Variants in NUCB1 observed in about 807,000 individuals in gnomAD.
NUCB1 encodes nucleobindin-1.
Under a neutral mutation model 61.2 loss-of-function variants are expected in NUCB1, and 47 were observed. The ratio of observed to expected loss-of-function variants is 0.77; its 90% CI spans 0.61 to 0.98. The LOEUF is 0.98. Among genes scored for constraint, NUCB1 ranks in the 50% least tolerant of loss-of-function variants. The pLI, the probability that NUCB1 is intolerant of heterozygous loss-of-function variation, is 0.00. For synonymous variants in NUCB1, 234 were observed against 243.1 expected, an observed-to-expected ratio of 0.96 and a Z score of 0.35; for missense variants, 583 against 605.3, an observed-to-expected ratio of 0.96 and a Z score of 0.39.
At chr19:48,918,813 G>T in intron 8 of NUCB1, 29 bp downstream of exon 8, 2 of 1,602,252 alleles carry the variant, frequency 1.2e-6, no homozygotes, top group South Asian at 1.1e-5. Flanking sequence ...TCGGGCACCT[G>T]GAGGGACGCC....
At chr19:48,919,437 C>G (rs2037581541) in intron 10 of NUCB1, 151 bp downstream of exon 10, 3 of 517,318 alleles carry the variant, frequency 5.8e-6, no homozygotes, top group South Asian at 6.0e-5. Context: ...TCTGTTTTCC[C>G]CTGTCTCTAG....
intron 10 of NUCB1, among the ~76,000 whole-genome samples, 166 bp downstream of exon 10, chr19:48,919,452 CTTATTTATTTATTTAT>C (rs35642334): frequency 7.0e-5 from 10 of 141,934 alleles, no homozygotes; most frequent in South Asian, 6.7e-4. Flanking sequence ...CTCTAGGACT[CTTATTTATTTATTTAT>C]TTATTTATTT....
chr19:48,909,820 G>A (rs957205131), intron 4 of NUCB1, among the ~76,000 whole-genome samples: 2 of 152,100 alleles, frequency 1.3e-5, no homozygotes, highest in African/African-American at 4.8e-5. Context: ...GGGATTACAG[G>A]CATGAGCCAC....
chr19:48,910,935 A>G, intron 4 of NUCB1: 1 of 471,558 alleles, frequency 2.1e-6, no homozygotes, highest in Non-Finnish European at 3.9e-6. Context: ...GTAAGTAGGC[A>G]CTACATGTTA....
At chr19:48,910,639 G>A (rs1210111478) in intron 4 of NUCB1, among the ~76,000 whole-genome samples, 6 of 150,372 alleles carry the variant, frequency 4.0e-5, no homozygotes, top group African/African-American at 1.2e-4. Flanking sequence ...GCAGCGAGCC[G>A]AGATCCTGCC....
At chr19:48,915,129 C>T (rs889798075) in intron 7 of NUCB1, among the ~76,000 whole-genome samples, 2 of 151,996 alleles carry the variant, frequency 1.3e-5, no homozygotes, top group Non-Finnish European at 2.9e-5. Flanking sequence ...AATAAAGATA[C>T]ATCCCTATTT....
chr19:48,916,346 G>A (rs902882226), intron 7 of NUCB1, among the ~76,000 whole-genome samples: 21 of 152,172 alleles, frequency 1.4e-4, no homozygotes, highest in Admixed American at 2.6e-4. Flanking sequence ...GGCTGGATGC[G>A]GTGGCTCACG....
intron 2 of NUCB1, among the ~76,000 whole-genome samples, chr19:48,901,295 T>C (rs1269085549): frequency 1.3e-5 from 2 of 152,204 alleles, no homozygotes; most frequent in African/African-American, 4.8e-5. Flanking sequence ...TTCATGGTGC[T>C]CTTGGGAGTT....
chr19:48,903,788 A>AGATG (rs1224397059), intron 2 of NUCB1, among the ~76,000 whole-genome samples: 10 of 43,808 alleles, frequency 2.3e-4, no homozygotes, highest in East Asian at 8.6e-4. Flanking sequence ...ATGGATGGAT[A>AGATG]GATGGATGGA....
chr19:48,912,530 T>C (rs2037485630), intron 5 of NUCB1, among the ~76,000 whole-genome samples: 1 of 151,970 alleles, frequency 6.6e-6, no homozygotes, highest in Non-Finnish European at 1.5e-5. Flanking sequence ...GGAGCAGTCA[T>C]GGAAACCAAA....
chr19:48,914,499 A>C (rs1277223770), intron 7 of NUCB1, among the ~76,000 whole-genome samples: 2 of 152,192 alleles, frequency 1.3e-5, no homozygotes, highest in Non-Finnish European at 1.5e-5. Flanking sequence ...CCCCGTGGAT[A>C]CAACTGTAAA....
chr19:48,903,722 A>G (rs1490679681), intron 2 of NUCB1, among the ~76,000 whole-genome samples: 2 of 92,554 alleles, frequency 2.2e-5, no homozygotes, highest in African/African-American at 5.5e-5. Flanking sequence ...GGGTGGATGG[A>G]TGGATGAGTG....
At chr19:48,905,964 TGTGCTAGGCAG>T (rs72371330) in intron 4 of NUCB1, 79 bp downstream of exon 4, 140,812 of 1,408,642 alleles carry the variant, frequency 0.1, 12,669 homozygotes, top group African/African-American at 0.36. Flanking sequence ...CAGGTGGTTG[TGTGCTAGGCAG>T]GTGAGGCCTC....
chr19:48,918,804 C>G lies in NUCB1; in HGVS notation c.816+20C>G. ...AAGGAGGTGAGCATCTTGGAAGCCTCGGGCACCTGGAGGGACGCCCAAATC... is the reference window on the plus strand; with the variant it reads ...AAGGAGGTGAGCATCTTGGAAGCCTGGGGCACCTGGAGGGACGCCCAAATC... On this transcript the variant is annotated intron_variant, in intron 8 of 12. Transcript: ENST00000405315. 1.2e-6 allele frequency: 2 copies of G among 1,611,540 alleles called. No individual in the cohort carries two copies. The highest frequency in any genetic ancestry group is 8.5e-7 in the Non-Finnish European group (1 of 1,177,832).
intron 2 of NUCB1, among the ~76,000 whole-genome samples, chr19:48,902,300 G>A (rs1329850792): frequency 3.3e-5 from 5 of 151,986 alleles, no homozygotes; most frequent in African/African-American, 9.7e-5. Flanking sequence ...TAGTAGAGAC[G>A]GAGTTTCACC....
At position 48,905,825 on chromosome 19, in the gene NUCB1, CAGG is replaced by C; in HGVS notation, c.320_322del (p.Glu107del). 1 of 1,611,412 alleles carries C rather than the reference CAGG, an allele frequency of 6.2e-7. No homozygotes were observed. Among genetic ancestry groups the C allele is most frequent in the Non-Finnish European group, 8.5e-7 (1 of 1,179,008 alleles). ...CACCAAGCTGGATGAGCTCAAGCGACAGGAGGTGTCACGGCTGCGGATGCTGCT... is the reference window on the plus strand; with the variant it reads ...CACCAAGCTGGATGAGCTCAAGCGACAGGTGTCACGGCTGCGGATGCTGCT... On this transcript the variant is annotated inframe_deletion, in exon 4 of 13. Transcript: ENST00000405315.
At chr19:48,908,718 A>AG (rs200005424) in intron 4 of NUCB1, among the ~76,000 whole-genome samples, 1 of 42,484 alleles carries the variant, frequency 2.4e-5, no homozygotes, top group African/African-American at 6.5e-5. Flanking sequence ...CACTTGACCA[A>AG]GGGGTGTGTG....
intron 10 of NUCB1, among the ~76,000 whole-genome samples, chr19:48,919,931 G>A (rs549005514): frequency 6.6e-6 from 1 of 151,924 alleles, no homozygotes; most frequent in Non-Finnish European, 1.5e-5. Flanking sequence ...ACCATGCCTG[G>A]CTAATTTTTG....
chr19:48,914,147 T>C (rs961842921), intron 7 of NUCB1, among the ~76,000 whole-genome samples: 35 of 151,920 alleles, frequency 2.3e-4, no homozygotes, highest in African/African-American at 8.5e-4. Context: ...GGCTAACTTT[T>C]GTATTTTTAG....
Sources: allele counts gnomAD v4.1 joint callset (sites outside exome capture counted in the v4.1 genomes callset), GRCh38; gene constraint gnomAD v4.1.1; transcripts MANE v1.5; gene names NCBI Gene and HGNC (gene_info 2026-07-23, HGNC 2026-07-21).